Variants in INSL6 observed in about 807,000 individuals in gnomAD.
INSL6 encodes the protein insulin-like peptide INSL6.
In INSL6, 16 loss-of-function variants were observed where a neutral mutation model predicts 9.4. The observed-to-expected ratio is 1.70, with a 90% CI of 1.15 to 2.59. The LOEUF (loss-of-function observed/expected upper bound fraction) is 2.59, where lower values mean the gene tolerates loss of function less well. INSL6 is among the 30% of genes most tolerant of loss of function. The pLI is 0.00. For synonymous variants in INSL6, 154 were observed against 96.9 expected, an observed-to-expected ratio of 1.59 and a Z score of -3.46; for missense variants, 391 against 257.3, an observed-to-expected ratio of 1.52 and a Z score of -3.56.
the INSL6 span, among the ~76,000 whole-genome samples, chr9:5,065,735 A>G: frequency 6.6e-6 from 1 of 152,200 alleles, no homozygotes; most frequent in African/African-American, 2.4e-5. Flanking sequence ...TTAAGTCCTA[A>G]TGATCTCTTA....
the INSL6 span, chr9:5,041,833 C>A: frequency 2.1e-6 from 1 of 479,448 alleles, no homozygotes; most frequent in South Asian, 1.5e-5. Context: ...CTGAACTCCA[C>A]CAATGGGGAG....
chr9:5,111,144 C>T, the INSL6 span: 5 of 946,082 alleles, frequency 5.3e-6, no homozygotes, highest in South Asian at 2.7e-5. Flanking sequence ...TCAGCGAAGG[C>T]GCTCAACTTG....
At chr9:5,124,100 T>C (rs759829830) in exon 4 of INSL6, among the ~76,000 whole-genome samples, 2 of 151,934 alleles carry the variant, frequency 1.3e-5, no homozygotes, top group Non-Finnish European at 2.9e-5. Context: ...TTATAAATTC[T>C]GGATGGTAGT....
the INSL6 span, among the ~76,000 whole-genome samples, chr9:5,001,094 A>T: frequency 2.6e-5 from 4 of 152,140 alleles, no homozygotes; most frequent in African/African-American, 9.7e-5. Context: ...AGTTCTAGTA[A>T]TTTTTTGGTA....
chr9:5,002,697 T>G, the INSL6 span, among the ~76,000 whole-genome samples: 7 of 151,992 alleles, frequency 4.6e-5, 1 homozygote, highest in East Asian at 1.3e-3. Flanking sequence ...AAATTTTTTT[T>G]GTTAATTCCT....
At chr9:5,124,053 G>A (rs555358281) in exon 4 of INSL6, among the ~76,000 whole-genome samples, 1 of 151,604 alleles carries the variant, frequency 6.6e-6, no homozygotes, top group East Asian at 1.9e-4. Context: ...TTTTTAACAC[G>A]ATTATTAGGG....
chr9:5,123,102 A>T, downstream of INSL6: 1 of 1,603,000 alleles, frequency 6.2e-7, no homozygotes, highest in Non-Finnish European at 8.5e-7. Context: ...TACATTGAGA[A>T]GAGTAAAAGT....
rs769124888 is a variant in INSL6 at position 5,164,245 on chromosome 9, C to G, written c.310G>C (p.Ala104Pro). ...TNPVSTSWEE[A>P]VNSWEMQSLP... ...GACTGCATTTCCCAACTGTTTACTG[C>G]TTCTTCCCAAGAAGTAGACACTGTT... Residue 104 changes from alanine (A) to proline (P), a missense_variant, in exon 2 of 2, where the codon GCA becomes CCA. Physicochemically the swap from Ala to Pro is conservative, Grantham distance 27. Transcript: ENST00000381641. The G allele has an allele frequency of 3.7e-6, 6 of 1,605,504 alleles. No homozygotes were observed. The Admixed American group carries it at 8.5e-5, about 23-fold the overall frequency.
the INSL6 span, among the ~76,000 whole-genome samples, chr9:5,050,216 T>C: frequency 7.5e-3 from 1,135 of 152,344 alleles, 8 homozygotes; most frequent in Non-Finnish European, 9.7e-3. Context: ...TGTAAATCAG[T>C]TTCCATTTGC....
intron 1 of INSL6, among the ~76,000 whole-genome samples, chr9:5,167,062 T>G (rs1205138271): frequency 2.0e-5 from 3 of 151,874 alleles, no homozygotes; most frequent in Non-Finnish European, 2.9e-5. Flanking sequence ...ACCAATGTTC[T>G]CTCATTGGGA....
chr9:5,121,819 G>GA (rs1829192082), downstream of INSL6, among the ~76,000 whole-genome samples: 2 of 152,156 alleles, frequency 1.3e-5, no homozygotes, highest in South Asian at 2.1e-4. Context: ...AGAACAGACA[G>GA]AAAAAAACAG....
the INSL6 span, chr9:5,110,841 TG>T: frequency 3.9e-5 from 18 of 460,924 alleles, no homozygotes; most frequent in South Asian, 5.4e-5. Flanking sequence ...TCGGGGAAGG[TG>T]GGGGGGACGC....
At chr9:5,176,706 C>G (rs981682051) in intron 1 of INSL6, among the ~76,000 whole-genome samples, 12 of 119,558 alleles carry the variant, frequency 1.0e-4, no homozygotes, top group African/African-American at 3.6e-4. Flanking sequence ...GGGAACAAAA[C>G]AAGAAATCAA....
the INSL6 span, among the ~76,000 whole-genome samples, chr9:4,995,174 T>C: frequency 1.3e-5 from 2 of 152,226 alleles, no homozygotes; most frequent in African/African-American, 4.8e-5. Flanking sequence ...TATTCTCCTT[T>C]TTTAGGGAAC....
intron 1 of INSL6, among the ~76,000 whole-genome samples, chr9:5,170,130 A>G (rs1334036770): frequency 1.3e-5 from 2 of 152,200 alleles, no homozygotes; most frequent in Non-Finnish European, 2.9e-5. Flanking sequence ...AATGCAAAAG[A>G]ACTGAAATCA....
the INSL6 span, among the ~76,000 whole-genome samples, chr9:5,044,188 T>C: frequency 6.6e-6 from 1 of 152,206 alleles, no homozygotes; most frequent in African/African-American, 2.4e-5. Flanking sequence ...CTGAAGGAGG[T>C]AGTATATTGA....
At chr9:5,089,929 T>C in the INSL6 span, 45 of 1,120,354 alleles carry the variant, frequency 4.0e-5, no homozygotes, top group African/African-American at 6.6e-4. Context: ...GTAATATAAA[T>C]GTACAATGTC....
At chr9:4,999,205 G>A in the INSL6 span, among the ~76,000 whole-genome samples, 12 of 152,112 alleles carry the variant, frequency 7.9e-5, no homozygotes, top group African/African-American at 1.9e-4. Flanking sequence ...ATTTGACTTC[G>A]GTAGCCCTTA....
chr9:5,026,407 C>T, the INSL6 span, among the ~76,000 whole-genome samples: 108 of 152,038 alleles, frequency 7.1e-4, 2 homozygotes, highest in East Asian at 0.015. Flanking sequence ...AATAACTTAC[C>T]GAAATTATTA....
Sources: allele counts gnomAD v4.1 joint callset (sites outside exome capture counted in the v4.1 genomes callset), GRCh38; gene constraint gnomAD v4.1.1; transcripts MANE v1.5; gene names NCBI Gene and HGNC (gene_info 2026-07-23, HGNC 2026-07-21).